RFX1: variants seen among roughly 807,000 people sequenced by gnomAD.
RFX1 encodes the protein regulatory factor X1.
In RFX1, 42 loss-of-function variants were observed where a neutral mutation model predicts 119.6. That is an observed-to-expected ratio of 0.35 (90% CI 0.27 to 0.45). RFX1 has a LOEUF of 0.45. RFX1 is among the 20% of genes least tolerant of loss of function. RFX1 has a pLI of 1.00. For synonymous variants in RFX1, 628 were observed against 618.5 expected (o/e 1.02, Z -0.23); for missense variants, 1,118 against 1,368.1 (o/e 0.82, Z 2.88).
chr19:13,966,563 G>T lies in RFX1; in HGVS notation c.1852-33C>A, dbSNP rs760255020. 6.5e-7 allele frequency: 1 copy of T among 1,533,456 alleles called. No individual in the cohort carries two copies. Among genetic ancestry groups the T allele is most frequent in the African/African-American group, 1.4e-5 (1 of 72,682 alleles). The allele number at this position is 1,533,456 out of a possible 1,614,324, so 95.0% of individuals were successfully genotyped here. On this transcript the variant is annotated intron_variant, in intron 13 of 20. Transcript: ENST00000254325. The surrounding 1 kb of genome is among the most constrained non-coding windows in gnomAD (Gnocchi z 6.3). ...AGAGGCGGATGCTCAGGGAGGCTGG[G>T]GGGCAGCATGGCCCTCCCATGCCCG...
rs1883548274 is a variant in RFX1 at position 13,990,707 on chromosome 19, C to T, written c.319+2818G>A. Reference sequence around the variant, plus strand: ...TGGCGGGCACCTATAGTCCCAGCTACTTGGGAGGCTGAGGCAGGAGAATGG... The same window carrying T: ...TGGCGGGCACCTATAGTCCCAGCTATTTGGGAGGCTGAGGCAGGAGAATGG... On this transcript the variant is annotated intron_variant, in intron 2 of 20. Transcript: ENST00000254325. This position sits in a 1 kb window ranked among gnomAD's most constrained non-coding sequence, Gnocchi z 4.1. 6.6e-6 allele frequency among the ~76,000 whole-genome samples: 1 copy of T among 152,016 alleles called. No homozygotes were observed. The highest frequency in any genetic ancestry group is 1.5e-5 in the Non-Finnish European group (1 of 68,028).
At chr19:13,983,775 A>G (rs993548958) in intron 2 of RFX1, among the ~76,000 whole-genome samples, 180 bp from the exon 3 acceptor site, 2 of 152,224 alleles carry the variant, frequency 1.3e-5, no homozygotes, top group Non-Finnish European at 2.9e-5. Flanking sequence ...CACGTGGCAG[A>G]GCGGGCTGAG....
chr19:13,993,791 G>C lies in RFX1; in HGVS notation c.53C>G (p.Pro18Arg). ...ELQAAPPPSQ[P>R]PQAPPQAQPQ... ...CTGGGCTTGTGGCGGGGCCTGTGGC[G>C]GCTGGGATGGTGGCGGGGCTGCCTG... The change falls in exon 2 of 21, where the codon CCG (proline) becomes CGG (arginine). Residue 18 changes from proline to arginine, a missense_variant. Physicochemically the swap from Pro to Arg is moderately radical, Grantham distance 103 (BLOSUM62 -2). Around this residue, in one of 5 missense-constraint regions of RFX1, gnomAD observed 542 missense variants for 602.7 expected, o/e 0.90. Transcript: ENST00000254325. 1 of 1,596,754 alleles carries C rather than the reference G, an allele frequency of 6.3e-7. No individual in the cohort carries two copies. The highest frequency in any genetic ancestry group is 8.5e-7 in the Non-Finnish European group (1 of 1,172,830).
chr19:14,005,514 T>C (rs1182245434), intron 1 of RFX1, among the ~76,000 whole-genome samples: 2 of 152,210 alleles, frequency 1.3e-5, no homozygotes, highest in Admixed American at 6.5e-5. Flanking sequence ...GTCCCGGTAC[T>C]GCAGGAAAAG....
At chr19:13,982,330 C>T (rs1974456333) in intron 4 of RFX1, 102 bp from the exon 5 acceptor site, 1 of 543,080 alleles carries the variant, frequency 1.8e-6, no homozygotes, top group Non-Finnish European at 2.8e-6. Flanking sequence ...GTGCTTCACG[C>T]CTGTTAGCTC....
chr19:13,983,032 G>T, intron 4 of RFX1, 155 bp downstream of exon 4: 1 of 610,078 alleles, frequency 1.6e-6, no homozygotes, highest in East Asian at 2.8e-5. Context: ...GTCTCACCCT[G>T]GGGAGGTGAC....
rs767075642 is a variant in RFX1, at chr19:13,966,558, G to T, written c.1852-28C>A. On this transcript the variant is annotated intron_variant, in intron 13 of 20. Transcript: ENST00000254325. This position sits in a 1 kb window ranked among gnomAD's most constrained non-coding sequence, Gnocchi z 6.3. ...GTGGCAGAGGCGGATGCTCAGGGAG[G>T]CTGGGGGGCAGCATGGCCCTCCCAT... The T allele has an allele frequency of 1.3e-6, 2 of 1,537,744 alleles. No individual in the cohort carries two copies. The highest frequency in any genetic ancestry group is 1.4e-5 in the African/African-American group (1 of 72,832).
Position 13,968,495 on chromosome 19 carries a change from C to T in RFX1, c.1732+70G>A. 7.7e-7 allele frequency: 1 copy of T among 1,302,778 alleles called. No homozygotes were observed. Among genetic ancestry groups the T allele is most frequent in the African/African-American group, 1.4e-5 (1 of 69,152 alleles). 80.7% of individuals were successfully genotyped at this position (1,302,778 alleles called of 1,614,324 possible). ...AGCTCAGAGGCTGCCTGCCGCCATC[C>T]AGCTTTGGGAACCGTCTGCACGGGG... On this transcript the variant is annotated intron_variant, in intron 12 of 20. Coordinates refer to ENST00000254325, the MANE Select transcript of RFX1 (RefSeq NM_002918.5). This position sits in a 1 kb window ranked among gnomAD's most constrained non-coding sequence, Gnocchi z 5.5.
rs1974583067 is a variant in RFX1 at position 13,986,060 on chromosome 19, G to A, written c.320-2465C>T. On this transcript the variant is annotated intron_variant, in intron 2 of 20. Coordinates refer to ENST00000254325, the MANE Select transcript of RFX1 (RefSeq NM_002918.5). This position sits in a 1 kb window ranked among gnomAD's most constrained non-coding sequence, Gnocchi z 4.2. Reference sequence around the variant, plus strand: ...TCTGCTTTAGGCTTCCCAGCCCTGAGCCATAAGGGAGGAGGCCCTTGCTGA... The same window carrying A: ...TCTGCTTTAGGCTTCCCAGCCCTGAACCATAAGGGAGGAGGCCCTTGCTGA... Among the ~76,000 whole-genome samples the A allele has an allele frequency of 6.6e-6, 1 of 152,206 alleles. No homozygotes were observed. The highest frequency in any genetic ancestry group is 1.5e-5 in the Non-Finnish European group (1 of 68,030).
At chr19:13,991,164 C>A (rs548899425) in intron 2 of RFX1, among the ~76,000 whole-genome samples, 18 of 152,170 alleles carry the variant, frequency 1.2e-4, no homozygotes, top group African/African-American at 4.3e-4. Context: ...TGCAGATGCA[C>A]CCCAGGAGCT....
Position 13,980,718 on chromosome 19 carries a change from G to GCTGGGGTGGACTTGCATCCTCT in RFX1, c.622-30_622-29insAGAGGATGCAAGTCCACCCCAG. ...TAAGGGAAGGAGACACAGGAGTGCC[G>GCTGGGGTGGACTTGCATCCTCT]CTGGGGTGGGCTTGCATCCTCTCTG... On this transcript the variant is annotated intron_variant, in intron 5 of 20. Coordinates refer to ENST00000254325, the MANE Select transcript of RFX1 (RefSeq NM_002918.5). The surrounding 1 kb of genome is among the most constrained non-coding windows in gnomAD (Gnocchi z 5.1). 1.5e-6 allele frequency: 1 copy of GCTGGGGTGGACTTGCATCCTCT among 646,414 alleles called. No individual in the cohort carries two copies. Among genetic ancestry groups the GCTGGGGTGGACTTGCATCCTCT allele is most frequent in the Non-Finnish European group, 2.1e-6 (1 of 472,796 alleles). The allele number at this position is 646,414 out of a possible 1,614,324, so 40.0% of individuals were successfully genotyped here.
chr19:13,989,486 T>C (rs1030189673), intron 2 of RFX1, among the ~76,000 whole-genome samples: 1 of 152,112 alleles, frequency 6.6e-6, no homozygotes, highest in African/African-American at 2.4e-5. Context: ...TTCTCCTGCC[T>C]CAGCCTCCCA....
intron 1 of RFX1, among the ~76,000 whole-genome samples, chr19:14,000,863 G>A (rs543572989): frequency 6.6e-6 from 1 of 152,246 alleles, no homozygotes; most frequent in South Asian, 2.1e-4. Flanking sequence ...GAGAGCCCAG[G>A]GCAGGAAGAT....
At chr19:13,981,984 G>A in intron 5 of RFX1, 137 bp downstream of exon 5, 1 of 393,246 alleles carries the variant, frequency 2.5e-6, no homozygotes, top group Admixed American at 4.6e-5. Flanking sequence ...TGCACTGGGA[G>A]TGAAGAGGGA....
intron 7 of RFX1, among the ~76,000 whole-genome samples, chr19:13,978,376 A>T (rs1599491220): frequency 6.6e-6 from 1 of 151,652 alleles, no homozygotes. Flanking sequence ...TGAAGGTTGG[A>T]CCCCAGGCAC....
At chr19:13,982,457 G>A (rs1044396634) in intron 4 of RFX1, among the ~76,000 whole-genome samples, 2 of 152,206 alleles carry the variant, frequency 1.3e-5, no homozygotes, top group African/African-American at 4.8e-5. Context: ...CCAGGAAGCG[G>A]CAGAGCCGGA....
At chr19:13,977,905 G>T in intron 8 of RFX1, 87 bp downstream of exon 8, 1 of 1,035,480 alleles carries the variant, frequency 9.7e-7, no homozygotes. Flanking sequence ...CCTGCTGGGG[G>T]CTGGGACTGG....
In RFX1 at chr19:13,963,166, C is replaced by T. The variant is rs373669117; in HGVS notation, c.2680G>A (p.Val894Ile). The T allele has an allele frequency of 1.2e-6, 2 of 1,612,462 alleles. No individual in the cohort carries two copies. The highest frequency in any genetic ancestry group is 1.3e-5 in the African/African-American group (1 of 74,878). The change falls in exon 19 of 21, where the codon GTA becomes ATA. Residue 894 changes from valine (V) to isoleucine (I), a missense_variant. Val to Ile is a conservative substitution (Grantham distance 29, BLOSUM62 3). Around this residue, in one of 5 missense-constraint regions of RFX1, gnomAD observed 32 missense variants for 71.5 expected, o/e 0.45. Transcript: ENST00000254325. ...GGGGTCTCGCCCTTGGCCTGGGCTA[C>T]GCGGTGCTCGATCAGGTAGTACATG... ...EYMYYLIEHR[V>I]AQAKGETPIA... is the part of the protein sequence containing the mutation.
At chr19:14,005,029 T>C (rs1975327329) in intron 1 of RFX1, among the ~76,000 whole-genome samples, 1 of 152,190 alleles carries the variant, frequency 6.6e-6, no homozygotes, top group Non-Finnish European at 1.5e-5. Context: ...AACATGTGTC[T>C]GGCCAAGAGA....
Sources: gnomAD v4.1 joint callset for allele counts (sites outside exome capture counted in the v4.1 genomes callset) on GRCh38, gnomAD v4.1.1 for gene constraint, gnomAD v4.1.1 regional missense constraint, Gnocchi (gnomAD v3.1) non-coding constraint, MANE v1.5 for transcripts, NCBI Gene and HGNC (gene_info 2026-07-23, HGNC 2026-07-21) for gene names.